Variants in ASCC3 observed in about 807,000 individuals in gnomAD.
ASCC3 encodes ASC-1 complex subunit P200.
Under a neutral mutation model 256.3 loss-of-function variants are expected in ASCC3, and 158 were observed. The ratio of observed to expected loss-of-function variants is 0.62; its 90% CI spans 0.54 to 0.70. The LOEUF is 0.70. Among genes scored for constraint, ASCC3 ranks in the 30% least tolerant of loss-of-function variants. The probability of loss-of-function intolerance (pLI) is 0.00; values close to 1 mark genes in which losing one functional copy is unlikely to be tolerated. For synonymous variants in ASCC3, 948 were observed against 883.4 expected (o/e 1.07, Z -1.30); for missense variants, 2,259 against 2,626.0 (o/e 0.86, Z 3.05).
At chr6:100,687,903 T>C (rs1205380647) in intron 13 of ASCC3, among the ~76,000 whole-genome samples, 1 of 151,490 alleles carries the variant, frequency 6.6e-6, no homozygotes, top group Non-Finnish European at 1.5e-5. Context: ...TTTGTAGAAA[T>C]GGACATGTGG....
At position 100,642,567 on chromosome 6, in the gene ASCC3, A is replaced by T. The variant is rs748047356; in HGVS notation, c.3901+14T>A. 16 of 1,613,320 alleles carry T rather than the reference A, an allele frequency of 9.9e-6. No homozygotes were observed. The highest frequency in any genetic ancestry group is 1.4e-5 in the Non-Finnish European group (16 of 1,179,296). ...GGAAAAATCAATGATTCAAATCAGC[A>T]TTCACCATGTTACCTGTATGAGGAG... On this transcript the variant is annotated intron_variant, in intron 24 of 41. Coordinates refer to ENST00000369162, the MANE Select transcript of ASCC3 (RefSeq NM_006828.4).
chr6:100,790,734 C>T (rs1769311939), intron 8 of ASCC3, among the ~76,000 whole-genome samples: 1 of 151,940 alleles, frequency 6.6e-6, no homozygotes, highest in Admixed American at 6.6e-5. Flanking sequence ...TAATTTCCTG[C>T]TATAAAATCA....
intron 36 of ASCC3, among the ~76,000 whole-genome samples, chr6:100,542,081 G>A (rs1582417041): frequency 6.6e-6 from 1 of 152,162 alleles, no homozygotes; most frequent in Admixed American, 6.5e-5. Context: ...CTAATGCACA[G>A]TGTGGAAGGA....
intron 8 of ASCC3, among the ~76,000 whole-genome samples, chr6:100,775,596 AT>A (rs1223141959): frequency 6.6e-6 from 1 of 152,086 alleles, no homozygotes; most frequent in African/African-American, 2.4e-5. Context: ...TCTCAAAAAA[AT>A]CTTTATAATA....
At chr6:100,809,796 T>G (rs1770371008) in intron 4 of ASCC3, among the ~76,000 whole-genome samples, 1 of 152,102 alleles carries the variant, frequency 6.6e-6, no homozygotes, top group South Asian at 2.1e-4. Flanking sequence ...AAAGTCATAA[T>G]ATTTGTAAAG....
intron 4 of ASCC3, among the ~76,000 whole-genome samples, chr6:100,845,379 G>T (rs774816281): frequency 6.6e-6 from 1 of 152,152 alleles, no homozygotes; most frequent in Non-Finnish European, 1.5e-5. Flanking sequence ...GTTTGAAAAA[G>T]ACATCAACTT....
intron 41 of ASCC3, 25 bp from the exon 42 acceptor site, chr6:100,509,558 A>C (rs201295279): frequency 6.3e-7 from 1 of 1,585,962 alleles, no homozygotes; most frequent in African/African-American, 1.3e-5. Flanking sequence ...TAGAAGAAAA[A>C]TGTAAAACCA....
intron 26 of ASCC3, among the ~76,000 whole-genome samples, chr6:100,630,559 T>C (rs1033796060): frequency 6.6e-6 from 1 of 151,620 alleles, no homozygotes; most frequent in Non-Finnish European, 1.5e-5. Flanking sequence ...TACAGAGTAA[T>C]ACAATATTTT....
chr6:100,652,761 A>C lies in ASCC3; in HGVS notation c.2952T>G (p.Thr984=). The change falls in exon 18 of 42, where the codon ACT becomes ACG. Residue 984 remains threonine, a synonymous_variant. Coordinates refer to ENST00000369162, the MANE Select transcript of ASCC3 (RefSeq NM_006828.4). ...GYFSSTDLGR[T]ASHYYIKYNT... ...TGTATTTAATATAGTAATGGCTGGC[A>C]GTTCTACCCAAATCAGTTGAGGAAA... 1 of 1,613,910 alleles carries C rather than the reference A, an allele frequency of 6.2e-7. No homozygotes were observed. Among genetic ancestry groups the C allele is most frequent in the Non-Finnish European group, 8.5e-7 (1 of 1,179,904 alleles).
rs756955287 is a variant in ASCC3 at position 100,767,293 on chromosome 6, A to T, written c.1448T>A (p.Ile483Lys). The T allele has an allele frequency of 1.9e-6, 3 of 1,613,976 alleles. No individual in the cohort carries two copies. Among genetic ancestry groups the T allele is most frequent in the Non-Finnish European group, 2.5e-6 (3 of 1,179,992 alleles). Residue 483 changes from isoleucine (I) to lysine (K), a missense_variant, in exon 9 of 42, where the codon ATA (isoleucine) becomes AAA (lysine). This residue lies in a region of ASCC3 where 1,839 missense variants were observed against 2,206.7 expected (regional missense o/e 0.83). Transcript: ENST00000369162. ...GMKRLNRIQS[I>K]VFETAYNTNE... ...GGTGTTGTAGGCAGTCTCAAACACT[A>T]TTGACTGGATTCTATTGAGTCTCTT...
chr6:100,846,441 CA>C (rs1480116177), intron 4 of ASCC3, among the ~76,000 whole-genome samples: 3 of 152,160 alleles, frequency 2.0e-5, no homozygotes, highest in African/African-American at 7.2e-5. Context: ...AAGCCACTGA[CA>C]GGATGTGAAA....
intron 10 of ASCC3, among the ~76,000 whole-genome samples, chr6:100,733,363 G>A (rs1270640140): frequency 3.9e-5 from 6 of 152,056 alleles, no homozygotes; most frequent in East Asian, 1.9e-4. Flanking sequence ...GGGTCATGAC[G>A]TCAGATCCCT....
At chr6:100,755,908 G>A (rs1253834255) in intron 10 of ASCC3, among the ~76,000 whole-genome samples, 1 of 151,876 alleles carries the variant, frequency 6.6e-6, no homozygotes, top group Non-Finnish European at 1.5e-5. Flanking sequence ...AAACTCTATA[G>A]AAGTAACAAA....
At chr6:100,826,857 T>C (rs1206960811) in intron 4 of ASCC3, among the ~76,000 whole-genome samples, 1 of 152,256 alleles carries the variant, frequency 6.6e-6, no homozygotes, top group Non-Finnish European at 1.5e-5. Flanking sequence ...CTCTTTCTTC[T>C]GTCATTTAGA....
chr6:100,581,069 T>C (rs1277382273), intron 36 of ASCC3, among the ~76,000 whole-genome samples: 2 of 152,092 alleles, frequency 1.3e-5, no homozygotes, highest in Non-Finnish European at 2.9e-5. Context: ...TATAGCAGCA[T>C]GATTTATAGT....
chr6:100,638,762 G>C lies in ASCC3; in HGVS notation c.3961C>G (p.Leu1321Val). 6.2e-7 allele frequency: 1 copy of C among 1,614,112 alleles called. No homozygotes were observed. Among genetic ancestry groups the C allele is most frequent in the Non-Finnish European group, 8.5e-7 (1 of 1,179,988 alleles). ...TALGCKAYEA[L>V]YNFSHFNPVQ... ...GGGTTAAAGTGGCTGAAGTTGTACA[G>C]GGCTTCATATGCTTTACATCCCAAA... is the stretch of plus-strand genomic sequence containing the variant. The change falls in exon 25 of 42, where the codon CTG (leucine) becomes GTG (valine). Residue 1321 changes from leucine to valine, a missense_variant. Leu to Val is a conservative substitution (Grantham distance 32). This residue lies in a region of ASCC3 where 1,839 missense variants were observed against 2,206.7 expected (regional missense o/e 0.83). Transcript: ENST00000369162.
At chr6:100,655,020 T>C (rs1430273884) in intron 17 of ASCC3, among the ~76,000 whole-genome samples, 1 of 152,006 alleles carries the variant, frequency 6.6e-6, no homozygotes, top group African/African-American at 2.4e-5. Context: ...AATATCCATA[T>C]GATCATTGTA....
chr6:100,541,469 T>A (rs1415159991), intron 36 of ASCC3, among the ~76,000 whole-genome samples: 1 of 152,134 alleles, frequency 6.6e-6, no homozygotes, highest in African/African-American at 2.4e-5. Flanking sequence ...AGAATCCAGG[T>A]ACACCTGGAG....
chr6:100,673,729 G>A (rs1023078978), intron 14 of ASCC3, among the ~76,000 whole-genome samples: 2 of 152,164 alleles, frequency 1.3e-5, no homozygotes, highest in Non-Finnish European at 2.9e-5. Context: ...TTCAGTACGT[G>A]AATTTTGGTC....
Sources: gnomAD v4.1 joint callset for allele counts (sites outside exome capture counted in the v4.1 genomes callset) on GRCh38, gnomAD v4.1.1 for gene constraint, gnomAD v4.1.1 regional missense constraint, MANE v1.5 for transcripts, NCBI Gene and HGNC (gene_info 2026-07-23, HGNC 2026-07-21) for gene names.